The following SLC4A4 variants were observed in gnomAD, a reference collection of about 807,000 sequenced individuals.
SLC4A4 encodes electrogenic sodium bicarbonate cotransporter 1.
A neutral mutation model predicts 111.5 loss-of-function variants in SLC4A4; 27 were observed. That is an observed-to-expected ratio of 0.24 (90% CI 0.18 to 0.33). SLC4A4 has a LOEUF of 0.33. SLC4A4 is among the 10% of genes least tolerant of loss of function. The pLI is 1.00. For synonymous variants in SLC4A4, 443 were observed against 463.4 expected (o/e 0.96, Z 0.57); for missense variants, 909 against 1,315.5 (o/e 0.69, Z 4.78).
At chr4:71,286,404 T>A (rs1275141399) in intron 3 of SLC4A4, among the ~76,000 whole-genome samples, 1 of 152,238 alleles carries the variant, frequency 6.6e-6, no homozygotes, top group Admixed American at 6.5e-5. Context: ...CATATGCTTT[T>A]GTACTGATCA....
Position 71,441,919 on chromosome 4 carries a change from G to A in SLC4A4, c.965+1146G>A, listed in dbSNP as rs73828151. Among the ~76,000 whole-genome samples the A allele has an allele frequency of 2.9e-3, 443 of 152,278 alleles. 1 individual carries two copies. Among genetic ancestry groups the A allele is most frequent in the African/African-American group, 9.3e-3 (388 of 41,570 alleles). On this transcript the variant is annotated intron_variant, in intron 8 of 25. Coordinates refer to ENST00000264485, the MANE Select transcript of SLC4A4 (RefSeq NM_001098484.3). The stretch of plus-strand genomic sequence containing the variant: ...AGGATTATGATGATTTGTGTTTTCT[G>A]TAACGTAGCTTTTTGCTTGAAAACA...
chr4:71,094,934 C>T (rs1742499637), intron 2 of SLC4A4, among the ~76,000 whole-genome samples: 1 of 152,096 alleles, frequency 6.6e-6, no homozygotes, highest in African/African-American at 2.4e-5. Flanking sequence ...AAAAGTTAGG[C>T]ATTAATTAAT....
At chr4:71,425,161 G>A (rs1723002032) in intron 7 of SLC4A4, among the ~76,000 whole-genome samples, 1 of 152,046 alleles carries the variant, frequency 6.6e-6, no homozygotes, top group African/African-American at 2.4e-5. Flanking sequence ...GGCTATTCAG[G>A]AACACGCAAG....
chr4:71,334,193 G>A (rs1728245172), intron 3 of SLC4A4, among the ~76,000 whole-genome samples: 1 of 152,130 alleles, frequency 6.6e-6, no homozygotes, highest in South Asian at 2.1e-4. Flanking sequence ...TACCCTTGAT[G>A]TTTATTCAAA....
rs965088572 is a variant in SLC4A4, at chr4:71,455,109, G to A, written c.1497+1440G>A. Among the ~76,000 whole-genome samples the A allele has an allele frequency of 6.6e-5, 10 of 152,324 alleles. 1 individual carries two copies. The highest frequency in any genetic ancestry group is 1.9e-4 in the African/African-American group (8 of 41,576). On this transcript the variant is annotated intron_variant, in intron 12 of 25. Transcript: ENST00000264485. ...CAGCTTTGCTTTTTCCCACATAAAT[G>A]TGTACGCAGTATTGCTTCATTTTCT...
At chr4:71,533,661 G>A (rs979682754) in intron 17 of SLC4A4, among the ~76,000 whole-genome samples, 3 of 151,754 alleles carry the variant, frequency 2.0e-5, no homozygotes, top group African/African-American at 7.2e-5. Flanking sequence ...TGTAAAATAA[G>A]AGACCAGAAT....
chr4:71,504,304 C>T (rs1054424234), intron 16 of SLC4A4, among the ~76,000 whole-genome samples: 11 of 152,010 alleles, frequency 7.2e-5, no homozygotes, highest in Non-Finnish European at 1.6e-4. Flanking sequence ...AAGATTTATT[C>T]ACTTAATTCT....
At chr4:71,169,384 A>G (rs894929976) in intron 2 of SLC4A4, among the ~76,000 whole-genome samples, 1 of 151,980 alleles carries the variant, frequency 6.6e-6, no homozygotes, top group Admixed American at 6.6e-5. Flanking sequence ...ATATTACATA[A>G]AAGCCATTTT....
chr4:71,147,596 A>G (rs1251549293), intron 2 of SLC4A4, among the ~76,000 whole-genome samples: 1 of 152,136 alleles, frequency 6.6e-6, no homozygotes, highest in Non-Finnish European at 1.5e-5. Context: ...TAGGAAAGAA[A>G]TGGGGCTTGA....
Position 71,480,365 on chromosome 4 carries a change from GATA to G in SLC4A4, c.1904-6578_1904-6576del, listed in dbSNP as rs1432036301. On this transcript the variant is annotated intron_variant, in intron 14 of 25. Coordinates refer to ENST00000264485, the MANE Select transcript of SLC4A4 (RefSeq NM_001098484.3). Reference sequence around the variant, plus strand: ...TGAAAATACTTGGGAAAACTAAAAGGATAATAAGAAAAAAAAAAAAGAAAAACT... The same window carrying G: ...TGAAAATACTTGGGAAAACTAAAAGGATAAGAAAAAAAAAAAAGAAAAACT... Among the ~76,000 whole-genome samples, 3 of 148,600 alleles carry G rather than the reference GATA, an allele frequency of 2.0e-5. No individual in the cohort carries two copies. The East Asian group carries it at 5.9e-4, about 29-fold the overall frequency.
intron 1 of SLC4A4, among the ~76,000 whole-genome samples, chr4:71,208,205 C>T (rs13107963): frequency 1.4e-3 from 216 of 152,112 alleles, no homozygotes; most frequent in Non-Finnish European, 2.1e-3. Context: ...CCGAGGCAGG[C>T]GGATCACGAG....
chr4:71,156,588 G>GCGCGCGCGCA (rs376043069), intron 2 of SLC4A4, among the ~76,000 whole-genome samples: 23 of 138,508 alleles, frequency 1.7e-4, no homozygotes, highest in East Asian at 1.3e-3. Context: ...GCGCGCGCGC[G>GCGCGCGCGCA]CACACACACA....
At chr4:71,466,706 G>A (rs1221376201) in intron 13 of SLC4A4, 129 bp downstream of exon 13, 17 of 995,750 alleles carry the variant, frequency 1.7e-5, no homozygotes, top group Non-Finnish European at 2.4e-5. Flanking sequence ...GTTCAGATGT[G>A]AGAGGTGAAA....
intron 6 of SLC4A4, among the ~76,000 whole-genome samples, chr4:71,393,884 A>G (rs1719543792): frequency 6.6e-6 from 1 of 152,188 alleles, no homozygotes; most frequent in African/African-American, 2.4e-5. Context: ...CTGATCTCCA[A>G]CAAAGCAAAC....
chr4:71,379,527 A>T (rs1717894976), intron 6 of SLC4A4, among the ~76,000 whole-genome samples: 1 of 152,068 alleles, frequency 6.6e-6, no homozygotes, highest in Non-Finnish European at 1.5e-5. Context: ...ATCGCACTGC[A>T]CAAATAACTC....
chr4:71,112,353 T>C (rs1743111516), intron 2 of SLC4A4, among the ~76,000 whole-genome samples: 1 of 152,250 alleles, frequency 6.6e-6, no homozygotes, highest in East Asian at 1.9e-4. Context: ...TCTCATGGAT[T>C]ACTCATATTA....
At chr4:71,335,459 A>G (rs1728355311) in intron 3 of SLC4A4, among the ~76,000 whole-genome samples, 1 of 152,054 alleles carries the variant, frequency 6.6e-6, no homozygotes, top group Non-Finnish European at 1.5e-5. Context: ...TTCCCATTTC[A>G]TGATTGGAAA....
intron 6 of SLC4A4, among the ~76,000 whole-genome samples, chr4:71,365,544 A>T (rs913294937): frequency 1.1e-4 from 16 of 152,162 alleles, no homozygotes; most frequent in Non-Finnish European, 1.9e-4. Flanking sequence ...AAAGGAGGGG[A>T]TAAATTAAGG....
At chr4:71,222,224 C>T (rs529330859) in intron 1 of SLC4A4, among the ~76,000 whole-genome samples, 2 of 152,310 alleles carry the variant, frequency 1.3e-5, no homozygotes, top group East Asian at 1.9e-4. Context: ...CTCTGCACCA[C>T]CTACTGGCCT....
Sources: allele counts gnomAD v4.1 joint callset (sites outside exome capture counted in the v4.1 genomes callset), GRCh38; gene constraint gnomAD v4.1.1; transcripts MANE v1.5; gene names NCBI Gene and HGNC (gene_info 2026-07-23, HGNC 2026-07-21).